CADM1: variants seen among roughly 807,000 people sequenced by gnomAD.
The protein encoded by CADM1 is cell adhesion molecule 1.
A neutral mutation model predicts 53.1 loss-of-function variants in CADM1; 15 were observed. The ratio of observed to expected loss-of-function variants is 0.28; its 90% CI spans 0.19 to 0.44. CADM1 has a LOEUF of 0.44. CADM1 is among the 20% of genes least tolerant of loss of function. CADM1 has a pLI of 1.00. For synonymous variants in CADM1, 281 were observed against 243.0 expected, an observed-to-expected ratio of 1.16 and a Z score of -1.45; for missense variants, 434 against 611.3, an observed-to-expected ratio of 0.71 and a Z score of 3.06.
intron 1 of CADM1, among the ~76,000 whole-genome samples, chr11:115,452,846 T>C (rs188309390): frequency 2.2e-4 from 34 of 152,312 alleles, no homozygotes; most frequent in Non-Finnish European, 5.9e-5. Flanking sequence ...AAATCTATTA[T>C]ACTTTGGTCT....
At chr11:115,255,129 G>A (rs990861738) in intron 1 of CADM1, among the ~76,000 whole-genome samples, 3 of 152,120 alleles carry the variant, frequency 2.0e-5, no homozygotes, top group African/African-American at 7.2e-5. Flanking sequence ...TCAGGCGCAC[G>A]GGCTTTGGCA....
intron 1 of CADM1, among the ~76,000 whole-genome samples, chr11:115,295,525 TA>T (rs1206673986): frequency 2.5e-4 from 20 of 80,936 alleles, no homozygotes; most frequent in African/African-American, 6.6e-4. Flanking sequence ...TATATATATA[TA>T]TATATATATA....
intron 1 of CADM1, among the ~76,000 whole-genome samples, chr11:115,477,181 G>C (rs1949153834): frequency 6.6e-6 from 1 of 151,736 alleles, no homozygotes; most frequent in Non-Finnish European, 1.5e-5. Context: ...GGAAATATGA[G>C]AGCACAATGA....
At chr11:115,325,630 T>C (rs1944940304) in intron 1 of CADM1, among the ~76,000 whole-genome samples, 1 of 152,184 alleles carries the variant, frequency 6.6e-6, no homozygotes, top group Non-Finnish European at 1.5e-5. Flanking sequence ...TTTTTGAAGC[T>C]TTGTTTTAAG....
At chr11:115,365,499 GA>G (rs2135108006) in intron 1 of CADM1, among the ~76,000 whole-genome samples, 1 of 152,088 alleles carries the variant, frequency 6.6e-6, no homozygotes, top group South Asian at 2.1e-4. Flanking sequence ...ATACAAGAAA[GA>G]TGTCAGGGAA....
chr11:115,355,326 G>A (rs993834536), intron 1 of CADM1, among the ~76,000 whole-genome samples: 1 of 152,074 alleles, frequency 6.6e-6, no homozygotes, highest in Non-Finnish European at 1.5e-5. Flanking sequence ...AATGGAGCTG[G>A]AGGCCATTAT....
rs1026444640 is a variant in CADM1, at chr11:115,415,507, C to T, written c.124+88764G>A. 1.9e-4 allele frequency among the ~76,000 whole-genome samples: 29 copies of T among 151,884 alleles called. 2 individuals carry two copies. Among genetic ancestry groups the T allele is most frequent in the Non-Finnish European group, 2.9e-5 (2 of 67,976 alleles). Reference sequence around the variant, plus strand: ...AAGGCAAATAAGGAATATGACAGAACAGTTATAAAGACAAGGAACGATTAA... The same window carrying T: ...AAGGCAAATAAGGAATATGACAGAATAGTTATAAAGACAAGGAACGATTAA... On this transcript the variant is annotated intron_variant, in intron 1 of 11. Coordinates refer to ENST00000331581, the MANE Select transcript of CADM1 (RefSeq NM_001301043.2).
At chr11:115,475,882 C>T (rs556874835) in intron 1 of CADM1, among the ~76,000 whole-genome samples, 32 of 152,052 alleles carry the variant, frequency 2.1e-4, no homozygotes, top group South Asian at 4.2e-4. Context: ...ATATACAATT[C>T]TATGCATGTG....
At chr11:115,258,536 C>T (rs910985292) in intron 1 of CADM1, among the ~76,000 whole-genome samples, 3 of 152,214 alleles carry the variant, frequency 2.0e-5, no homozygotes. Flanking sequence ...CTCCAGAACC[C>T]AGCTTTGTTG....
intron 1 of CADM1, among the ~76,000 whole-genome samples, chr11:115,421,905 C>T (rs1947766860): frequency 6.6e-6 from 1 of 152,134 alleles, no homozygotes; most frequent in Non-Finnish European, 1.5e-5. Context: ...TATTTCGGTA[C>T]GATGATTACA....
At chr11:115,317,050 T>A (rs992827921) in intron 1 of CADM1, among the ~76,000 whole-genome samples, 1 of 152,158 alleles carries the variant, frequency 6.6e-6, no homozygotes, top group African/African-American at 2.4e-5. Flanking sequence ...CGAAGCACAC[T>A]TAAACACCTA....
intron 1 of CADM1, among the ~76,000 whole-genome samples, chr11:115,293,918 G>A (rs957316118): frequency 2.6e-5 from 4 of 152,006 alleles, no homozygotes; most frequent in African/African-American, 9.7e-5. Context: ...GGTACTCTAC[G>A]GTCTGAACTC....
chr11:115,221,090 G>A lies in CADM1; in HGVS notation c.722-3099C>T, dbSNP rs979420314. Among the ~76,000 whole-genome samples the A allele has an allele frequency of 9.8e-5, 15 of 152,326 alleles. No homozygotes were observed. In the East Asian group the frequency reaches 1.3e-3, roughly 14 times the overall value. ...ATCATTTTACGCCTCGGTTGGTGTT[G>A]TAAGGCATGAGGCCAAAAGCCAGAC... On this transcript the variant is annotated intron_variant, in intron 5 of 11. Transcript: ENST00000331581.
chr11:115,171,045 A>C lies in CADM1; in HGVS notation c.*5429T>G, dbSNP rs1466954968. The C allele has an allele frequency of 1.3e-5, 2 of 152,130 alleles. No homozygotes were observed. The highest frequency in any genetic ancestry group is 2.4e-5 in the African/African-American group (1 of 41,432). The allele number at this position is 152,130 out of a possible 1,614,324, so 9.4% of individuals were successfully genotyped here. A position where few individuals can be genotyped will look rare whatever the true frequency, so the allele number is the denominator to read the frequency against. On this transcript the variant is annotated 3_prime_UTR_variant, in exon 12 of 12. Coordinates refer to ENST00000331581, the MANE Select transcript of CADM1 (RefSeq NM_001301043.2). The stretch of plus-strand genomic sequence containing the variant: ...GGGTGACTACTGCGTGCCTGACAGG[A>C]ACTTTAATATGGTATTGACCTACAA...
intron 1 of CADM1, among the ~76,000 whole-genome samples, chr11:115,315,799 C>T (rs1354463405): frequency 6.6e-6 from 1 of 152,156 alleles, no homozygotes; most frequent in African/African-American, 2.4e-5. Context: ...AGTCCCACTA[C>T]CTGGAGCAAC....
At chr11:115,326,801 C>G (rs1331365540) in intron 1 of CADM1, among the ~76,000 whole-genome samples, 1 of 152,152 alleles carries the variant, frequency 6.6e-6, no homozygotes, top group African/African-American at 2.4e-5. Flanking sequence ...TTTCAGTGAA[C>G]AAACGACTGC....
intron 1 of CADM1, chr11:115,378,041 C>T (rs1216890101): frequency 6.6e-6 from 1 of 152,132 alleles, no homozygotes; most frequent in South Asian, 2.1e-4. Flanking sequence ...ACCGAAAAAT[C>T]AACGGACAAT....
At chr11:115,234,816 T>G (rs1263597693) in intron 3 of CADM1, among the ~76,000 whole-genome samples, 1 of 137,022 alleles carries the variant, frequency 7.3e-6, no homozygotes, top group East Asian at 2.2e-4. Context: ...TCACTTGAAC[T>G]CAGGAGGCGG....
chr11:115,426,781 A>G (rs1341069221), intron 1 of CADM1, among the ~76,000 whole-genome samples: 1 of 152,036 alleles, frequency 6.6e-6, no homozygotes, highest in Admixed American at 6.6e-5. Flanking sequence ...AATTTGGATA[A>G]TTTCCGTTAA....
Sources: gnomAD v4.1 joint callset for allele counts (sites outside exome capture counted in the v4.1 genomes callset) on GRCh38, gnomAD v4.1.1 for gene constraint, MANE v1.5 for transcripts, NCBI Gene and HGNC (gene_info 2026-07-23, HGNC 2026-07-21) for gene names.